The following FAT2 variants were observed in gnomAD, a reference collection of about 807,000 sequenced individuals.
The protein encoded by FAT2 is FAT atypical cadherin 2, also known as protocadherin Fat 2.
In FAT2, 150 loss-of-function variants were observed where a neutral mutation model predicts 295.3. The observed-to-expected ratio is 0.51, with a 90% CI of 0.44 to 0.58. The LOEUF (loss-of-function observed/expected upper bound fraction) is 0.58. Ranked by LOEUF, FAT2 falls within the 20% of genes least tolerant of loss-of-function variation. The pLI is 0.00. For missense variants in FAT2, 4,868 were observed against 5,442.7 expected (o/e 0.89, Z 3.32); for synonymous variants, 2,026 against 2,150.3 (o/e 0.94, Z 1.60).
At position 151,543,095 on chromosome 5, in the gene FAT2, G is replaced by C. The variant is rs750273384; in HGVS notation, c.8032C>G (p.Arg2678Gly). 6.2e-7 allele frequency: 1 copy of C among 1,614,170 alleles called. No individual in the cohort carries two copies. Among genetic ancestry groups the C allele is most frequent in the African/African-American group, 1.3e-5 (1 of 75,036 alleles). Residue 2678 changes from arginine (R) to glycine (G), a missense_variant, in exon 10 of 24, where the codon CGA (arginine) becomes GGA (glycine). Physicochemically the swap from Arg to Gly is moderately radical, Grantham distance 125. This residue lies in a region of FAT2 where 3,297 missense variants were observed against 3,669.4 expected (regional missense o/e 0.90). Coordinates refer to ENST00000261800, the MANE Select transcript of FAT2 (RefSeq NM_001447.3). ...PPHWNSLVPV[R>G]LQVVPKKVSL... Reference sequence around the variant, plus strand: ...ACTTTTTTAGGAACCACCTGAAGTCGTACTGGCACCAGAGAGTTCCAGTGA... The same window carrying C: ...ACTTTTTTAGGAACCACCTGAAGTCCTACTGGCACCAGAGAGTTCCAGTGA...
intron 6 of FAT2, 55 bp from the exon 7 acceptor site, chr5:151,551,661 G>A (rs967722036): frequency 1.9e-6 from 3 of 1,590,512 alleles, no homozygotes; most frequent in Non-Finnish European, 2.6e-6. Flanking sequence ...AGGCAGCATA[G>A]CATAAGATAG....
At chr5:151,530,173 T>A (rs1398770197) in intron 14 of FAT2, among the ~76,000 whole-genome samples, 1 of 151,740 alleles carries the variant, frequency 6.6e-6, no homozygotes, top group Non-Finnish European at 1.5e-5. Context: ...TGGCCTTATA[T>A]ACCCAAATTA....
At chr5:151,549,191 A>G in intron 9 of FAT2, 104 bp downstream of exon 9, 1 of 1,065,334 alleles carries the variant, frequency 9.4e-7, no homozygotes, top group East Asian at 2.6e-5. Context: ...CCAAGGCTTA[A>G]TGAGCTTGGT....
Position 151,568,838 on chromosome 5 carries a change from G to T in FAT2, c.94C>A (p.His32Asn). 1.9e-6 allele frequency: 3 copies of T among 1,614,052 alleles called. No homozygotes were observed. The change falls in exon 2 of 24, where the codon CAC (histidine) becomes AAC (asparagine). Residue 32 changes from histidine to asparagine, a missense_variant. Physicochemically the swap from His to Asn is moderately conservative, Grantham distance 68 (BLOSUM62 1). Coordinates refer to ENST00000261800, the MANE Select transcript of FAT2 (RefSeq NM_001447.3). ...GCATTGTAATGGGAGTGTGTGAAGT[G>T]CCAAGCAGAGGAGGAGAGAATCCCT... ...LEGILSSSAW[H>N]FTHSHYNATI...
At position 151,517,771 on chromosome 5, in the gene FAT2, A is replaced by G; in HGVS notation, c.11318-6T>C. ...ACTGAACCTTGTAGCAGTACCTGAG[A>G]AAGCAACCAAAGCTGTCACCTCTAC... On this transcript the variant is annotated splice_polypyrimidine_tract_variant and splice_region_variant and intron_variant, in intron 19 of 23. Transcript: ENST00000261800. 1 of 1,613,888 alleles carries G rather than the reference A, an allele frequency of 6.2e-7. No individual in the cohort carries two copies. The highest frequency in any genetic ancestry group is 1.7e-4 in the Middle Eastern group (1 of 6,060).
intron 12 of FAT2, among the ~76,000 whole-genome samples, chr5:151,537,367 G>C (rs1296344930): frequency 1.4e-5 from 2 of 142,156 alleles, no homozygotes; most frequent in Non-Finnish European, 3.0e-5. Flanking sequence ...AGGAAGGAAG[G>C]AAAGAAACAA....
chr5:151,567,680 T>C lies in FAT2; in HGVS notation c.1252A>G (p.Thr418Ala), dbSNP rs1758342330. The C allele has an allele frequency of 1.9e-6, 3 of 1,614,174 alleles. No homozygotes were observed. Among genetic ancestry groups the C allele is most frequent in the African/African-American group, 1.3e-5 (1 of 75,036 alleles). Residue 418 changes from threonine (T) to alanine (A), a missense_variant, in exon 2 of 24, where the codon ACA (threonine) becomes GCA (alanine). Transcript: ENST00000261800. Reference protein sequence around the residue: ...LNARTGLITTTKLMDFHDRAH... With the variant: ...LNARTGLITTAKLMDFHDRAH... ...CTGTCGTGGAAGTCCATGAGCTTTG[T>C]GGTGGTGATCAACCCAGTTCGAGCA... is the stretch of plus-strand genomic sequence containing the variant.
At position 151,554,558 on chromosome 5, in the gene FAT2, C is replaced by G. The variant is rs145224294; in HGVS notation, c.3749G>C (p.Arg1250Pro). The stretch of plus-strand genomic sequence containing the variant: ...CACAGGGCTCAGCCTCTCTGGAAGG[C>G]GGACATTGAAGAGCTTGTGGGAGAA... ...PIFSHKLFNV[R>P]LPERLSPVSP... is the part of the protein sequence containing the mutation. The change falls in exon 5 of 24, where the codon CGC becomes CCC. Residue 1250 changes from arginine (R) to proline (P), a missense_variant. By Grantham distance (103) the Arg-to-Pro change is moderately radical. Around this residue, in one of 5 missense-constraint regions of FAT2, gnomAD observed 3,297 missense variants for 3,669.4 expected, o/e 0.90. Transcript: ENST00000261800. 1 of 1,614,158 alleles carries G rather than the reference C, an allele frequency of 6.2e-7. No individual in the cohort carries two copies. Among genetic ancestry groups the G allele is most frequent in the Non-Finnish European group, 8.5e-7 (1 of 1,180,024 alleles).
At position 151,545,869 on chromosome 5, in the gene FAT2, T is replaced by C. The variant is rs1032442963; in HGVS notation, c.5258A>G (p.Asp1753Gly). ...TGACTTTAAGAACATAGGAGCATTG[T>C]CATTTTCATCAATTATGTCAACCAC... ...MVVVDIIDEN[D>G]NAPMFLKSTF... is the part of the protein sequence containing the mutation. Residue 1753 changes from aspartate to glycine, a missense_variant, in exon 10 of 24, where the codon GAC becomes GGC. By Grantham distance (94) the Asp-to-Gly change is moderately conservative. Transcript: ENST00000261800. 1 of 1,614,248 alleles carries C rather than the reference T, an allele frequency of 6.2e-7. No individual in the cohort carries two copies.
chr5:151,546,084 A>G lies in FAT2; in HGVS notation c.5043T>C (p.Leu1681=). 6.2e-7 allele frequency: 1 copy of G among 1,614,172 alleles called. No homozygotes were observed. The highest frequency in any genetic ancestry group is 8.5e-7 in the Non-Finnish European group (1 of 1,180,036). The part of the protein sequence containing the change: ...ESIPVGSPIL[L]VSAMSPSEVT... ...CTTCAGAGGGGCTCATAGCAGAGAC[A>G]AGGAGGATTGGGGAACCAACAGGGA... Residue 1681 remains leucine, a synonymous_variant, in exon 10 of 24, where the codon CTT becomes CTC. Coordinates refer to ENST00000261800, the MANE Select transcript of FAT2 (RefSeq NM_001447.3).
At chr5:151,517,915 C>T (rs988352929) in intron 19 of FAT2, 150 bp from the exon 20 acceptor site, 34 of 948,530 alleles carry the variant, frequency 3.6e-5, no homozygotes, top group Non-Finnish European at 4.8e-5. Context: ...TGGGGTGTGC[C>T]ATACCTTTCT....
chr5:151,520,198 C>T (rs1753301705), intron 19 of FAT2, among the ~76,000 whole-genome samples: 1 of 152,236 alleles, frequency 6.6e-6, no homozygotes, highest in South Asian at 2.1e-4. Flanking sequence ...GCAGGTCAGG[C>T]CAGGCCAGGC....
rs543289422 is a variant in FAT2, at chr5:151,544,684, C to T, written c.6443G>A (p.Gly2148Glu). 71 of 1,614,074 alleles carry T rather than the reference C, an allele frequency of 4.4e-5. 2 individuals carry two copies. In the South Asian group the frequency reaches 7.8e-4, roughly 18 times the overall value. ...CTCACTCTGGAGGGATGGCGTTCCT[C>T]CATCCCGAGCAATGACTTTGAGGTG... is the stretch of plus-strand genomic sequence containing the variant. ...KYHLKVIARD[G>E]GTPSLQSEEE... The change falls in exon 10 of 24, where the codon GGA becomes GAA. Residue 2148 changes from glycine (G) to glutamate (E), a missense_variant. By Grantham distance (98) the Gly-to-Glu change is moderately conservative. Coordinates refer to ENST00000261800, the MANE Select transcript of FAT2 (RefSeq NM_001447.3).
At chr5:151,558,704 T>TTTA (rs1336724348) in intron 3 of FAT2, among the ~76,000 whole-genome samples, 3 of 152,050 alleles carry the variant, frequency 2.0e-5, no homozygotes, top group South Asian at 2.1e-4. Context: ...ATTTTCCCCA[T>TTTA]TTATTATTAT....
intron 12 of FAT2, among the ~76,000 whole-genome samples, chr5:151,536,296 A>G (rs1279816098): frequency 6.6e-6 from 1 of 152,210 alleles, no homozygotes; most frequent in Non-Finnish European, 1.5e-5. Flanking sequence ...GAGAGGTTAA[A>G]TAACCTGCCT....
At chr5:151,532,264 CA>C (rs2127592472) in intron 13 of FAT2, among the ~76,000 whole-genome samples, 1 of 152,292 alleles carries the variant, frequency 6.6e-6, no homozygotes, top group Non-Finnish European at 1.5e-5. Context: ...GAAAAATATG[CA>C]GATAAAACCA....
Position 151,573,473 on chromosome 5 carries a change from G to A in FAT2, c.-20-4522C>T, listed in dbSNP as rs553687872. ...GATGAAGACCATCCTGGCCAACATG[G>A]TGAAACTCCGTCTCTACTAAAAATA... On this transcript the variant is annotated intron_variant, in intron 1 of 23. Transcript: ENST00000261800. Among the ~76,000 whole-genome samples, 4 of 152,186 alleles carry A rather than the reference G, an allele frequency of 2.6e-5. No homozygotes were observed. In the South Asian group the frequency reaches 6.2e-4, roughly 24 times the overall value.
In FAT2 at chr5:151,505,723, C is replaced by T. The variant is rs748090611; in HGVS notation, c.12892G>A (p.Val4298Met). 6.2e-7 allele frequency: 1 copy of T among 1,613,896 alleles called. No individual in the cohort carries two copies. Among genetic ancestry groups the T allele is most frequent in the Middle Eastern group, 1.6e-4 (1 of 6,062 alleles). The change falls in exon 24 of 24, where the codon GTG becomes ATG. Residue 4298 changes from valine (V) to methionine (M), a missense_variant. Physicochemically the swap from Val to Met is conservative, Grantham distance 21 (BLOSUM62 1). This residue lies in a region of FAT2 where 492 missense variants were observed against 482.6 expected (regional missense o/e 1.02). Coordinates refer to ENST00000261800, the MANE Select transcript of FAT2 (RefSeq NM_001447.3). ...CCAGCTCGGCTGAGGCGCATACCCA[C>T]CCCCTTGTAGCCCCCGTCTGCCAGG... is the stretch of plus-strand genomic sequence containing the variant. The part of the protein sequence containing the change: ...PCLADGGYKG[V>M]GMRLSRAGPS...
chr5:151,580,752 G>C (rs1446455441), intron 1 of FAT2, among the ~76,000 whole-genome samples: 1 of 152,210 alleles, frequency 6.6e-6, no homozygotes, highest in Non-Finnish European at 1.5e-5. Context: ...GAAGTGGTCA[G>C]AAGAGTATTG....
Sources: allele counts gnomAD v4.1 joint callset (sites outside exome capture counted in the v4.1 genomes callset), GRCh38; gene constraint gnomAD v4.1.1; regional missense constraint gnomAD v4.1.1; transcripts MANE v1.5; gene names NCBI Gene and HGNC (gene_info 2026-07-23, HGNC 2026-07-21).